Variants in ALMS1 observed in about 807,000 individuals in gnomAD.
The protein encoded by ALMS1 is centrosome-associated protein ALMS1.
A neutral mutation model predicts 352.2 loss-of-function variants in ALMS1; 271 were observed. The ratio of observed to expected loss-of-function variants is 0.77; its 90% CI spans 0.70 to 0.85. ALMS1 has a LOEUF of 0.85. Among genes scored for constraint, ALMS1 ranks in the 40% least tolerant of loss-of-function variants. ALMS1 has a pLI of 0.00. For missense variants in ALMS1, 5,445 were observed against 4,870.7 expected (o/e 1.12, Z -3.51); for synonymous variants, 1,865 against 1,761.2 (o/e 1.06, Z -1.48).
At chr2:73,403,083 T>G (rs189286199) in intron 1 of ALMS1, among the ~76,000 whole-genome samples, 82 of 152,322 alleles carry the variant, frequency 5.4e-4, no homozygotes, top group East Asian at 3.9e-4. Flanking sequence ...GAGCTTTTGT[T>G]GTGATATCCA....
intron 18 of ALMS1, 56 bp downstream of exon 18, chr2:73,600,937 T>C (rs1675670238): frequency 1.3e-6 from 2 of 1,557,752 alleles, no homozygotes; most frequent in Non-Finnish European, 1.8e-6. Context: ...TCAAGTCCCC[T>C]GCGATGCTGA....
Position 73,424,437 on chromosome 2 carries a change from C to G in ALMS1, c.772C>G (p.Pro258Ala), listed in dbSNP as rs779617451. ...ELSFAPLRGI[P>A]DKSEDTEWSS... ...TTAACTATATATTTTCAGGGGAATT[C>G]CTGATAAGTCTGAAGATACTGAATG... The change falls in exon 5 of 23, where the codon CCT becomes GCT. Residue 258 changes from proline (P) to alanine (A), a missense_variant. Coordinates refer to ENST00000613296, the MANE Select transcript of ALMS1 (RefSeq NM_001378454.1). 6.4e-7 allele frequency: 1 copy of G among 1,552,370 alleles called. No homozygotes were observed. Among genetic ancestry groups the G allele is most frequent in the Non-Finnish European group, 8.7e-7 (1 of 1,152,242 alleles).
chr2:73,454,330 T>A, intron 8 of ALMS1: 2 of 985,320 alleles, frequency 2.0e-6, no homozygotes, highest in Non-Finnish European at 2.4e-6. Flanking sequence ...GAGTTTACGT[T>A]CTTGTTCTTA....
At chr2:73,495,442 G>T (rs1437091104) in intron 10 of ALMS1, among the ~76,000 whole-genome samples, 1 of 152,008 alleles carries the variant, frequency 6.6e-6, no homozygotes, top group Non-Finnish European at 1.5e-5. Flanking sequence ...CACCATGTTG[G>T]CCAGGCTGGT....
At chr2:73,557,426 G>T (rs2104058781) in intron 14 of ALMS1, 72 bp downstream of exon 14, 3 of 1,589,042 alleles carry the variant, frequency 1.9e-6, no homozygotes, top group Middle Eastern at 1.7e-4. Context: ...CTTAAGAACA[G>T]AAACAGAAAT....
intron 2 of ALMS1, among the ~76,000 whole-genome samples, chr2:73,413,672 A>AGTTTTAC (rs1460879311): frequency 6.6e-6 from 1 of 152,128 alleles, no homozygotes; most frequent in African/African-American, 2.4e-5. Context: ...GAAGTTTTGT[A>AGTTTTAC]GTTTTACGTT....
intron 21 of ALMS1, among the ~76,000 whole-genome samples, chr2:73,607,878 G>C (rs1483769040): frequency 6.7e-6 from 1 of 149,146 alleles, no homozygotes; most frequent in African/African-American, 2.5e-5. Context: ...TGGCCAGGCT[G>C]CTCTTGAACT....
chr2:73,582,826 G>C (rs1675214726), intron 16 of ALMS1, among the ~76,000 whole-genome samples: 1 of 152,176 alleles, frequency 6.6e-6, no homozygotes, highest in Non-Finnish European at 1.5e-5. Flanking sequence ...AAATAGTGCT[G>C]CTGTGAACAT....
Position 73,448,057 on chromosome 2 carries a change from A to T in ALMS1, c.1530A>T (p.Leu510Phe). Residue 510 changes from leucine (L) to phenylalanine (F), a missense_variant, in exon 8 of 23, where the codon TTA becomes TTT. Coordinates refer to ENST00000613296, the MANE Select transcript of ALMS1 (RefSeq NM_001378454.1). ...TPVDSDIGSHLSLSLEDLSQL... is the reference protein window; with the variant it reads ...TPVDSDIGSHFSLSLEDLSQL... Reference sequence around the variant, plus strand: ...TTGATTCAGACATTGGATCTCATTTATCCTTGTCCCTTGAGGACCTGTCTC... The same window carrying T: ...TTGATTCAGACATTGGATCTCATTTTTCCTTGTCCCTTGAGGACCTGTCTC... 1 of 1,613,888 alleles carries T rather than the reference A, an allele frequency of 6.2e-7. No individual in the cohort carries two copies. Among genetic ancestry groups the T allele is most frequent in the Non-Finnish European group, 8.5e-7 (1 of 1,179,918 alleles).
At chr2:73,462,478 A>G (rs1244909917) in intron 9 of ALMS1, among the ~76,000 whole-genome samples, 2 of 152,198 alleles carry the variant, frequency 1.3e-5, no homozygotes, top group Non-Finnish European at 2.9e-5. Flanking sequence ...GAAAGGAACA[A>G]CTGGTACCAG....
intron 10 of ALMS1, among the ~76,000 whole-genome samples, chr2:73,498,465 G>C (rs1356305573): frequency 6.6e-6 from 1 of 151,890 alleles, no homozygotes; most frequent in African/African-American, 2.4e-5. Flanking sequence ...ATTTACTATA[G>C]TCACCCTTTT....
intron 12 of ALMS1, among the ~76,000 whole-genome samples, chr2:73,542,580 G>C (rs1271247931): frequency 6.6e-6 from 1 of 152,172 alleles, no homozygotes; most frequent in East Asian, 1.9e-4. Flanking sequence ...AATTGTCCCT[G>C]TTTGCAGATG....
intron 1 of ALMS1, among the ~76,000 whole-genome samples, chr2:73,406,251 TATG>T (rs1670970032): frequency 6.6e-6 from 1 of 152,196 alleles, no homozygotes; most frequent in Admixed American, 6.5e-5. Flanking sequence ...CTCCTTTGTC[TATG>T]GTATCAGTTT....
In ALMS1 at chr2:73,452,933, A is replaced by G. The variant is rs904504103; in HGVS notation, c.6406A>G (p.Thr2136Ala). ...AGCTGGCCAGAAAACAGTATTACCA[A>G]CAGCTCTTCCTAGTTCCTTTTCACA... ...GPAGQKTVLP[T>A]ALPSSFSHRE... Residue 2136 changes from threonine to alanine, a missense_variant, in exon 8 of 23, where the codon ACA becomes GCA. Transcript: ENST00000613296. 6.8e-6 allele frequency: 11 copies of G among 1,613,688 alleles called. No individual in the cohort carries two copies. The highest frequency in any genetic ancestry group is 4.5e-5 in the East Asian group (2 of 44,878).
chr2:73,531,968 T>C (rs2103986606), intron 11 of ALMS1, among the ~76,000 whole-genome samples: 1 of 152,334 alleles, frequency 6.6e-6, no homozygotes, highest in South Asian at 2.1e-4. Flanking sequence ...CATATGGGGA[T>C]TACAATTTGA....
intron 9 of ALMS1, among the ~76,000 whole-genome samples, chr2:73,464,540 CAG>C (rs1351475717): frequency 6.6e-6 from 1 of 152,182 alleles, no homozygotes; most frequent in Non-Finnish European, 1.5e-5. Flanking sequence ...AGGCACAAGA[CAG>C]GGGTGCCCTC....
rs1312620971 is a variant in ALMS1 at position 73,424,867 on chromosome 2, A to G, written c.1202A>G (p.Glu401Gly). 6.2e-7 allele frequency: 1 copy of G among 1,604,832 alleles called. No homozygotes were observed. Among genetic ancestry groups the G allele is most frequent in the African/African-American group, 1.3e-5 (1 of 74,556 alleles). Residue 401 changes from glutamate (E) to glycine (G), a missense_variant, in exon 5 of 23, where the codon GAA (glutamate) becomes GGA (glycine). By Grantham distance (98) the Glu-to-Gly change is moderately conservative. Coordinates refer to ENST00000613296, the MANE Select transcript of ALMS1 (RefSeq NM_001378454.1). ...ARSYGQYWTQ[E>G]DSSKQAETYL... Reference sequence around the variant, plus strand: ...TCATATGGGCAGTATTGGACACAGGAAGATTCATCTAAGCAGGCAGAAACA... The same window carrying G: ...TCATATGGGCAGTATTGGACACAGGGAGATTCATCTAAGCAGGCAGAAACA...
intron 10 of ALMS1, among the ~76,000 whole-genome samples, chr2:73,508,263 C>T (rs1311636846): frequency 3.5e-5 from 5 of 141,486 alleles, no homozygotes; most frequent in South Asian, 2.2e-4. Context: ...AGTGCAGTGG[C>T]GCGATCTCGG....
chr2:73,477,688 A>G (rs1021177250), intron 9 of ALMS1, among the ~76,000 whole-genome samples: 7 of 151,978 alleles, frequency 4.6e-5, no homozygotes, highest in Non-Finnish European at 8.8e-5. Flanking sequence ...ACATATATTT[A>G]TTTTGCTAAA....
Sources: allele counts gnomAD v4.1 joint callset (sites outside exome capture counted in the v4.1 genomes callset), GRCh38; gene constraint gnomAD v4.1.1; transcripts MANE v1.5; gene names NCBI Gene and HGNC (gene_info 2026-07-23, HGNC 2026-07-21).